ELAPOR2: variants seen among roughly 807,000 people sequenced by gnomAD.
ELAPOR2 encodes endosome/lysosome-associated apoptosis and autophagy regulator family member 2.
A neutral mutation model predicts 120.7 loss-of-function variants in ELAPOR2; 89 were observed. The observed-to-expected ratio is 0.74, with a 90% confidence interval of 0.62 to 0.88. The LOEUF is 0.88. ELAPOR2 is among the 40% of genes least tolerant of loss of function. The pLI, the probability that ELAPOR2 is intolerant of heterozygous loss-of-function variation, is 0.00. For missense variants in ELAPOR2, 1,134 were observed against 1,251.6 expected, an observed-to-expected ratio of 0.91 and a Z score of 1.42; for synonymous variants, 444 against 444.9, an observed-to-expected ratio of 1.00 and a Z score of 0.03.
At chr7:87,003,411 A>C (rs1793379455) in intron 1 of ELAPOR2, among the ~76,000 whole-genome samples, 1 of 152,082 alleles carries the variant, frequency 6.6e-6, no homozygotes, top group African/African-American at 2.4e-5. Context: ...AGGTGATTTG[A>C]TCATGGGGGC....
chr7:87,048,503 G>A (rs1188045870), intron 1 of ELAPOR2, among the ~76,000 whole-genome samples: 1 of 152,106 alleles, frequency 6.6e-6, no homozygotes. Flanking sequence ...GGGTTGGAGA[G>A]GGAGGTGTGG....
chr7:87,023,404 G>A (rs1301426486), intron 1 of ELAPOR2, among the ~76,000 whole-genome samples: 2 of 152,264 alleles, frequency 1.3e-5, no homozygotes, highest in African/African-American at 4.8e-5. Context: ...TGAGGGCTCT[G>A]TTCTGTTCCA....
At chr7:86,949,355 C>G (rs1327621610) in intron 2 of ELAPOR2, among the ~76,000 whole-genome samples, 2 of 152,174 alleles carry the variant, frequency 1.3e-5, no homozygotes, top group Non-Finnish European at 2.9e-5. Context: ...AAGGGCTATA[C>G]TGATGGCAGC....
intron 8 of ELAPOR2, 125 bp from the exon 9 acceptor site, chr7:86,927,041 TA>T: frequency 1.2e-6 from 1 of 804,644 alleles, no homozygotes; most frequent in South Asian, 3.1e-5. Context: ...TGACAGAATC[TA>T]AAACATCAGT....
intron 1 of ELAPOR2, among the ~76,000 whole-genome samples, chr7:87,018,906 A>G (rs1039525835): frequency 9.2e-5 from 14 of 152,212 alleles, no homozygotes; most frequent in Admixed American, 2.0e-4. Context: ...GCAGTATTCC[A>G]TGTTCAAACA....
intron 1 of ELAPOR2, among the ~76,000 whole-genome samples, chr7:87,025,594 T>C (rs1017390095): frequency 5.3e-5 from 8 of 152,170 alleles, no homozygotes; most frequent in East Asian, 1.9e-4. Context: ...ACATAACCAA[T>C]TGAGCATTAC....
chr7:86,927,141 C>T (rs533082703), intron 8 of ELAPOR2, among the ~76,000 whole-genome samples: 23 of 151,966 alleles, frequency 1.5e-4, no homozygotes, highest in Non-Finnish European at 3.2e-4. Flanking sequence ...GGCCTTCCCT[C>T]GTACACAGCA....
chr7:86,989,960 C>A (rs1450510877), intron 1 of ELAPOR2, among the ~76,000 whole-genome samples: 2 of 152,232 alleles, frequency 1.3e-5, no homozygotes, highest in Non-Finnish European at 2.9e-5. Flanking sequence ...AAAACTCACA[C>A]TGAAATTTAA....
intron 8 of ELAPOR2, among the ~76,000 whole-genome samples, chr7:86,928,379 G>C (rs1790172355): frequency 6.6e-6 from 1 of 151,960 alleles, no homozygotes; most frequent in South Asian, 2.1e-4. Flanking sequence ...AACAAGCATA[G>C]AAAACAAATT....
At chr7:86,971,190 G>A (rs988776980) in intron 1 of ELAPOR2, among the ~76,000 whole-genome samples, 9 of 152,132 alleles carry the variant, frequency 5.9e-5, no homozygotes, top group African/African-American at 9.7e-5. Context: ...ACTAAGTGAC[G>A]CAACTAACTC....
At chr7:87,031,116 T>C (rs1300452775) in intron 1 of ELAPOR2, among the ~76,000 whole-genome samples, 1 of 152,190 alleles carries the variant, frequency 6.6e-6, no homozygotes, top group Non-Finnish European at 1.5e-5. Flanking sequence ...GTGGGAATTA[T>C]GGGAGCTACA....
At chr7:86,998,614 T>C (rs889454809) in intron 1 of ELAPOR2, among the ~76,000 whole-genome samples, 3 of 152,142 alleles carry the variant, frequency 2.0e-5, no homozygotes, top group African/African-American at 7.2e-5. Flanking sequence ...AAAATACCAA[T>C]AGCTGCATAA....
At chr7:87,054,183 A>G (rs145626128) in intron 1 of ELAPOR2, among the ~76,000 whole-genome samples, 1 of 152,368 alleles carries the variant, frequency 6.6e-6, no homozygotes, top group African/African-American at 2.4e-5. Context: ...AGAGAAAAGA[A>G]AAGCAACCAA....
At chr7:87,023,949 C>T (rs536984935) in intron 1 of ELAPOR2, among the ~76,000 whole-genome samples, 6 of 152,284 alleles carry the variant, frequency 3.9e-5, no homozygotes, top group East Asian at 1.9e-4. Flanking sequence ...TGCTTATCAG[C>T]TTAAGGAGAT....
At chr7:86,884,858 T>C (rs1250503524) in intron 21 of ELAPOR2, among the ~76,000 whole-genome samples, 1 of 152,174 alleles carries the variant, frequency 6.6e-6, no homozygotes, top group Non-Finnish European at 1.5e-5. Context: ...TCAACACCTC[T>C]TGCAATCTAT....
intron 1 of ELAPOR2, among the ~76,000 whole-genome samples, chr7:86,985,004 T>C (rs1792663175): frequency 6.6e-6 from 1 of 151,898 alleles, no homozygotes; most frequent in Admixed American, 6.6e-5. Flanking sequence ...AAAGGGGATA[T>C]CACCACCAAT....
intron 18 of ELAPOR2, among the ~76,000 whole-genome samples, chr7:86,898,557 A>AT (rs1788554432): frequency 8.4e-6 from 1 of 119,072 alleles, no homozygotes; most frequent in African/African-American, 3.6e-5. Flanking sequence ...AGACACAATG[A>AT]CCAAAAAAAA....
chr7:86,911,605 G>A (rs1189185527), intron 15 of ELAPOR2: 2 of 455,366 alleles, frequency 4.4e-6, no homozygotes, highest in Admixed American at 2.4e-5. Context: ...AATCCCATTT[G>A]TATGATTTAA....
intron 1 of ELAPOR2, among the ~76,000 whole-genome samples, chr7:87,050,160 A>G (rs898968074): frequency 7.9e-5 from 12 of 152,176 alleles, no homozygotes; most frequent in African/African-American, 2.9e-4. Flanking sequence ...AAAATAAACT[A>G]AAAGAGGGAG....
Sources: gnomAD v4.1 joint callset for allele counts (sites outside exome capture counted in the v4.1 genomes callset) on GRCh38, gnomAD v4.1.1 for gene constraint, MANE v1.5 for transcripts, NCBI Gene and HGNC (gene_info 2026-07-23, HGNC 2026-07-21) for gene names.